Variants in ST18 observed in about 807,000 individuals in gnomAD.
The protein encoded by ST18 is ST18 C2H2C-type zinc finger transcription factor.
A neutral mutation model predicts 110.0 loss-of-function variants in ST18; 50 were observed. That is an observed-to-expected ratio of 0.45 (90% confidence interval 0.36 to 0.58). The LOEUF is 0.58. ST18 is among the 20% of genes least tolerant of loss of function. The probability of loss-of-function intolerance (pLI) is 0.00; values close to 1 mark genes in which losing one functional copy is unlikely to be tolerated. For synonymous variants in ST18, 461 were observed against 452.4 expected, an observed-to-expected ratio of 1.02 and a Z score of -0.24; for missense variants, 1,306 against 1,280.1, an observed-to-expected ratio of 1.02 and a Z score of -0.31.
chr8:52,187,219 A>G (rs1249524237), intron 8 of ST18, among the ~76,000 whole-genome samples: 1 of 152,244 alleles, frequency 6.6e-6, no homozygotes, highest in Non-Finnish European at 1.5e-5. Context: ...TTTAGTGAGT[A>G]CTTGCAATGT....
chr8:52,245,865 T>C (rs1222464135), intron 2 of ST18, among the ~76,000 whole-genome samples: 1 of 152,124 alleles, frequency 6.6e-6, no homozygotes, highest in Non-Finnish European at 1.5e-5. Flanking sequence ...AAGTTACTAA[T>C]AAAACTTTAA....
intron 2 of ST18, among the ~76,000 whole-genome samples, chr8:52,362,227 C>A (rs1002581588): frequency 6.6e-6 from 1 of 152,084 alleles, no homozygotes; most frequent in South Asian, 2.1e-4. Flanking sequence ...AAAATTATTC[C>A]CTTATATTGG....
chr8:52,324,539 G>A (rs1448129410), intron 2 of ST18, among the ~76,000 whole-genome samples: 3 of 152,148 alleles, frequency 2.0e-5, no homozygotes, highest in Non-Finnish European at 2.9e-5. Flanking sequence ...AACCATGTAG[G>A]CAGATGCACG....
intron 8 of ST18, among the ~76,000 whole-genome samples, chr8:52,209,778 A>ATATATAT (rs1279474362): frequency 3.7e-5 from 5 of 136,378 alleles, no homozygotes; most frequent in African/African-American, 1.4e-4. Context: ...CTCAAAAAAA[A>ATATATAT]AAAAAAAAAA....
At chr8:52,333,261 A>C (rs1810444450) in intron 2 of ST18, among the ~76,000 whole-genome samples, 1 of 152,088 alleles carries the variant, frequency 6.6e-6, no homozygotes, top group Admixed American at 6.6e-5. Flanking sequence ...TTCTATAACT[A>C]ATCATTCTAC....
chr8:52,204,335 A>G (rs931272404), intron 8 of ST18, among the ~76,000 whole-genome samples: 6 of 152,228 alleles, frequency 3.9e-5, no homozygotes, highest in African/African-American at 1.4e-4. Flanking sequence ...AGTAATTAGT[A>G]AAGTCCAACC....
At chr8:52,236,825 A>AC (rs1314941401) in intron 2 of ST18, among the ~76,000 whole-genome samples, 2 of 152,148 alleles carry the variant, frequency 1.3e-5, no homozygotes, top group Non-Finnish European at 2.9e-5. Context: ...TAATGGGAAC[A>AC]CTGAAATAAG....
At chr8:52,137,587 T>A in intron 17 of ST18, 104 bp from the exon 18 acceptor site, 1 of 1,105,268 alleles carries the variant, frequency 9.0e-7, no homozygotes, top group Non-Finnish European at 1.3e-6. Context: ...GCGAGATAAG[T>A]TAACACAGTA....
Position 52,171,780 on chromosome 8 carries a change from A to G in ST18, c.1069+12T>C. 1.2e-6 allele frequency: 2 copies of G among 1,603,750 alleles called. No individual in the cohort carries two copies. The highest frequency in any genetic ancestry group is 2.2e-5 in the South Asian group (2 of 89,250). On this transcript the variant is annotated intron_variant, in intron 10 of 25. Transcript: ENST00000689386. ...CTTTTATTCCTAAAATAAATGCAAA[A>G]ATGTGTCTTACGTTTATTGTTAAAG...
At chr8:52,307,067 C>A (rs1291444386) in intron 2 of ST18, among the ~76,000 whole-genome samples, 1 of 151,938 alleles carries the variant, frequency 6.6e-6, no homozygotes, top group Admixed American at 6.6e-5. Flanking sequence ...GCCTGTAACC[C>A]CAGCTACTTG....
chr8:52,246,368 A>T (rs910570336), intron 2 of ST18, among the ~76,000 whole-genome samples: 2 of 152,154 alleles, frequency 1.3e-5, no homozygotes, highest in Non-Finnish European at 2.9e-5. Context: ...AGAAAACTGC[A>T]TAATCTTAAG....
At chr8:52,287,760 G>T (rs911173265) in intron 2 of ST18, among the ~76,000 whole-genome samples, 3 of 152,206 alleles carry the variant, frequency 2.0e-5, no homozygotes, top group Admixed American at 6.5e-5. Flanking sequence ...CATAATGGAT[G>T]CTCTGAACTA....
intron 18 of ST18, 99 bp from the exon 19 acceptor site, chr8:52,136,757 G>A (rs1248728035): frequency 1.9e-6 from 2 of 1,043,250 alleles, no homozygotes; most frequent in Admixed American, 2.7e-5. Flanking sequence ...AATTATTGGT[G>A]ACTGGGGATT....
chr8:52,188,317 A>G (rs1421568819), intron 8 of ST18, among the ~76,000 whole-genome samples: 1 of 152,200 alleles, frequency 6.6e-6, no homozygotes, highest in Non-Finnish European at 1.5e-5. Context: ...TTTAGTAAAG[A>G]TCTCAAGGAG....
At chr8:52,180,066 GCA>G (rs2068726673) in intron 9 of ST18, 54 bp downstream of exon 9, 3 of 1,561,108 alleles carry the variant, frequency 1.9e-6, no homozygotes, top group Non-Finnish European at 2.6e-6. Context: ...ACATGAATTA[GCA>G]CAGAGTCCTT....
intron 2 of ST18, among the ~76,000 whole-genome samples, chr8:52,236,446 C>T (rs752754458): frequency 1.3e-5 from 2 of 152,002 alleles, no homozygotes; most frequent in Non-Finnish European, 2.9e-5. Flanking sequence ...CCTGTCTCTA[C>T]TAAAAATACA....
chr8:52,259,661 G>A (rs1476580725), intron 2 of ST18, among the ~76,000 whole-genome samples: 7 of 152,078 alleles, frequency 4.6e-5, no homozygotes, highest in Non-Finnish European at 5.9e-5. Context: ...TATGCCATGC[G>A]CTGTTCTGAG....
chr8:52,293,633 A>T (rs571134163), intron 2 of ST18, among the ~76,000 whole-genome samples: 3 of 152,120 alleles, frequency 2.0e-5, no homozygotes, highest in South Asian at 2.1e-4. Context: ...ATGACATATA[A>T]TTTTTTTATG....
chr8:52,236,449 A>G (rs944260735), intron 2 of ST18, among the ~76,000 whole-genome samples: 4 of 152,014 alleles, frequency 2.6e-5, no homozygotes, highest in African/African-American at 9.7e-5. Flanking sequence ...GTCTCTACTA[A>G]AAATACAAAA....
Sources: allele counts gnomAD v4.1 joint callset (sites outside exome capture counted in the v4.1 genomes callset), GRCh38; gene constraint gnomAD v4.1.1; transcripts MANE v1.5; gene names NCBI Gene and HGNC (gene_info 2026-07-23, HGNC 2026-07-21).